Variants in NOC2L observed in about 807,000 individuals in gnomAD.
NOC2L encodes NOC2 like nucleolar associated transcriptional repressor, also known as nucleolar complex protein 2 homolog.
In NOC2L, 101 loss-of-function variants were observed where a neutral mutation model predicts 94.2. That is an observed-to-expected ratio of 1.07 (90% CI 0.91 to 1.26). The LOEUF (loss-of-function observed/expected upper bound fraction) is 1.26. NOC2L is among the 50% of genes most tolerant of loss of function. NOC2L has a pLI of 0.00. For synonymous variants in NOC2L, 531 were observed against 413.4 expected (o/e 1.28, Z -3.45); for missense variants, 1,076 against 980.1 (o/e 1.10, Z -1.31).
At position 946,168 on chromosome 1, in the gene NOC2L, C is replaced by T. The variant is rs529672664; in HGVS notation, c.1917+5G>A. The T allele has an allele frequency of 3.1e-6, 5 of 1,601,634 alleles. No homozygotes were observed. Among genetic ancestry groups the T allele is most frequent in the African/African-American group, 1.3e-5 (1 of 74,802 alleles). On this transcript the variant is annotated splice_donor_5th_base_variant and intron_variant, in intron 16 of 18. Coordinates refer to ENST00000327044, the MANE Select transcript of NOC2L (RefSeq NM_015658.4). ...ACACCCCCAGGTCCCCTCGCCGAGC[C>T]GCACCCGCTCTTTGCCACTGATCTC...
Position 958,751 on chromosome 1 carries a change from T to G in NOC2L, c.179+178A>C, listed in dbSNP as rs1230706971. 6 of 733,582 alleles carry G rather than the reference T, an allele frequency of 8.2e-6. No homozygotes were observed. The South Asian group carries it at 8.8e-5, about 11-fold the overall frequency. The allele number at this position is 733,582 out of a possible 1,614,324, so 45.4% of individuals were successfully genotyped here. ...TACGCTCCCTGCCTAGGACAGAGTT[T>G]GGCACGGAACAGGAGCTCAGTAAAC... On this transcript the variant is annotated intron_variant, in intron 2 of 18. Coordinates refer to ENST00000327044, the MANE Select transcript of NOC2L (RefSeq NM_015658.4).
intron 6 of NOC2L, chr1:954,290 C>T (rs1261454073): frequency 5.5e-6 from 3 of 544,074 alleles, no homozygotes; most frequent in Non-Finnish European, 6.5e-6. Flanking sequence ...GCTCCTCCTT[C>T]AGTGGCCTTG....
rs777578662 is a variant in NOC2L at position 957,168 on chromosome 1, T to C, written c.285A>G (p.Leu95=). The C allele has an allele frequency of 3.1e-6, 5 of 1,613,966 alleles. No homozygotes were observed. The African/African-American group carries it at 5.3e-5, about 17-fold the overall frequency. The change falls in exon 3 of 19, where the codon CTA becomes CTG. Residue 95 remains leucine, a synonymous_variant. Transcript: ENST00000327044. ...KFLQENDQSL[L]NFSDSDSSEE... ...CAGAGCTGTCCGAGTCGCTGAAGTT[T>C]AGCAGGCTCTGGTCATTCTCCTGCA...
intron 6 of NOC2L, among the ~76,000 whole-genome samples, chr1:955,498 C>T (rs1281231804): frequency 6.6e-6 from 1 of 152,228 alleles, no homozygotes; most frequent in East Asian, 1.9e-4. Context: ...AGTTGAGGCC[C>T]TCAGGTTCTC....
intron 11 of NOC2L, among the ~76,000 whole-genome samples, chr1:951,450 G>A (rs939794896): frequency 6.6e-6 from 1 of 151,340 alleles, no homozygotes; most frequent in Non-Finnish European, 1.5e-5. Flanking sequence ...CACGGTGGCA[G>A]GGGTCATCTG....
rs149544813 is a variant in NOC2L, at chr1:949,815, C to G, written c.1444-1212G>C. Among the ~76,000 whole-genome samples the G allele has an allele frequency of 3.1e-3, 466 of 152,308 alleles. 5 individuals carry two copies. The highest frequency in any genetic ancestry group is 0.01 in the African/African-American group (433 of 41,562). ...TGGCTTCCTAAAGATGTTCAGCATC[C>G]CTGCCTCAGTGGAAGGGGAATCAGA... On this transcript the variant is annotated intron_variant, in intron 12 of 18. Coordinates refer to ENST00000327044, the MANE Select transcript of NOC2L (RefSeq NM_015658.4).
rs1442959030 is a variant in NOC2L at position 952,602 on chromosome 1, T to C, written c.1003-2A>G. 1.2e-6 allele frequency: 2 copies of C among 1,613,426 alleles called. No homozygotes were observed. Among genetic ancestry groups the C allele is most frequent in the Non-Finnish European group, 1.7e-6 (2 of 1,179,982 alleles). ...CCTCACATACGTGATGTACATTTGC[T>C]GCGGAGAGACCCGGGTCAGAGCCAC... On this transcript the variant is annotated splice_acceptor_variant, in intron 9 of 18. Coordinates refer to ENST00000327044, the MANE Select transcript of NOC2L (RefSeq NM_015658.4). LOFTEE classifies it high-confidence loss of function.
rs369595971 is a variant in NOC2L, at chr1:953,974, G to A, written c.777+30C>T. 27 of 1,602,542 alleles carry A rather than the reference G, an allele frequency of 1.7e-5. 1 individual carries two copies. In the South Asian group the frequency reaches 1.9e-4, roughly 11 times the overall value. On this transcript the variant is annotated intron_variant, in intron 7 of 18. Coordinates refer to ENST00000327044, the MANE Select transcript of NOC2L (RefSeq NM_015658.4). ...AGGACCGACCACCAGATACAGCCAG[G>A]CCCCCGTGCCCTCCCCACCAGAATA...
intron 10 of NOC2L, 129 bp downstream of exon 10, chr1:952,283 G>A (rs982370897): frequency 2.5e-5 from 35 of 1,399,182 alleles, no homozygotes; most frequent in Admixed American, 9.6e-5. Context: ...TGCAAGGACC[G>A]ACTGCACCAG....
rs762163637 is a variant in NOC2L, at chr1:946,453, G to A, written c.1752C>T (p.Ile584=). The part of the protein sequence containing the change: ...LGKVQENSAY[I]CSRRQRVSFG... Reference sequence around the variant, plus strand: ...AGGAAACCCTCTGGCGGCGGCTGCAGATGTATGCCGAGTTCTCCTGAACCT... The same window carrying A: ...AGGAAACCCTCTGGCGGCGGCTGCAAATGTATGCCGAGTTCTCCTGAACCT... The change falls in exon 15 of 19, where the codon ATC becomes ATT. Residue 584 remains isoleucine, a synonymous_variant. Coordinates refer to ENST00000327044, the MANE Select transcript of NOC2L (RefSeq NM_015658.4). 5.0e-6 allele frequency: 8 copies of A among 1,613,194 alleles called. No individual in the cohort carries two copies. Among genetic ancestry groups the A allele is most frequent in the Non-Finnish European group, 6.8e-6 (8 of 1,179,982 alleles).
In NOC2L at chr1:957,006, T is replaced by A; in HGVS notation, c.374A>T (p.Asp125Val). ...CCCATCTTCTCCTTCCTCCGCTCCA[T>A]CCTCCTCCTCACTGGCTTCCTGCAC... ...DVLEEASEEE[D>V]GAEEGEDGDR... Residue 125 changes from aspartate to valine, a missense_variant, in exon 4 of 19, where the codon GAT (aspartate) becomes GTT (valine). Around this residue, in one of 3 missense-constraint regions of NOC2L, gnomAD observed 457 missense variants for 386.0 expected, o/e 1.18. Transcript: ENST00000327044. 21 of 1,614,078 alleles carry A rather than the reference T, an allele frequency of 1.3e-5. No homozygotes were observed. The highest frequency in any genetic ancestry group is 1.8e-5 in the Non-Finnish European group (21 of 1,180,034).
In NOC2L at chr1:945,130, C is replaced by T; in HGVS notation, c.2070G>A (p.Leu690=). The change falls in exon 18 of 19, where the codon CTG becomes CTA. Residue 690 remains leucine (L), a synonymous_variant. Coordinates refer to ENST00000327044, the MANE Select transcript of NOC2L (RefSeq NM_015658.4). The part of the protein sequence containing the change: ...GFSERGILRP[L]STRHGVEDDE... ...CGTCTTCCACCCCATGCCGAGTGCT[C>T]AGGGGCCTCAGTATCCCTGAGGAAC... 4 of 1,609,586 alleles carry T rather than the reference C, an allele frequency of 2.5e-6. No individual in the cohort carries two copies. The highest frequency in any genetic ancestry group is 2.5e-6 in the Non-Finnish European group (3 of 1,177,852).
In NOC2L at chr1:946,132, G is replaced by T. The variant is rs41285796; in HGVS notation, c.1917+41C>A. On this transcript the variant is annotated intron_variant, in intron 16 of 18. Transcript: ENST00000327044. ...ATAGTGCGCTAGATCTGAAACCCAG[G>T]AAGTCACAACACACCCCCAGGTCCC... The T allele has an allele frequency of 3.5e-3, 4,977 of 1,411,040 alleles. 19 individuals are homozygous for T. Among genetic ancestry groups the T allele is most frequent in the Non-Finnish European group, 4.3e-3 (4,349 of 1,011,984 alleles). 87.4% of individuals were successfully genotyped at this position (1,411,040 alleles called of 1,614,324 possible). A position where few individuals can be genotyped will look rare whatever the true frequency, so the allele number is the denominator to read the frequency against.
At chr1:953,322 A>G (rs764766162) in intron 8 of NOC2L, 34 bp from the exon 9 acceptor site, 3 of 1,305,576 alleles carry the variant, frequency 2.3e-6, no homozygotes, top group African/African-American at 2.9e-5. Context: ...GTGGCCCCCC[A>G]GCCTCCTCAG....
At chr1:953,150 A>G in intron 9 of NOC2L, 25 bp downstream of exon 9, 3 of 1,524,900 alleles carry the variant, frequency 2.0e-6, no homozygotes, top group Non-Finnish European at 2.7e-6. Context: ...ATGCTGAGGG[A>G]CACAGACGCA....
chr1:951,345 A>C, intron 11 of NOC2L, 107 bp from the exon 12 acceptor site: 2 of 847,726 alleles, frequency 2.4e-6, no homozygotes, highest in Non-Finnish European at 3.9e-6. Context: ...CAGACCCCTA[A>C]AGCAGGACAA....
intron 2 of NOC2L, 128 bp downstream of exon 2, chr1:958,801 T>A (rs1642493600): frequency 3.3e-6 from 3 of 921,630 alleles, no homozygotes; most frequent in Non-Finnish European, 5.3e-6. Context: ...TAAGTTAAGC[T>A]GAAAGGACTG....
At position 952,505 on chromosome 1, in the gene NOC2L, C is replaced by T; in HGVS notation, c.1098G>A (p.Leu366=). The T allele has an allele frequency of 6.2e-7, 1 of 1,613,884 alleles. No individual in the cohort carries two copies. Among genetic ancestry groups the T allele is most frequent in the Non-Finnish European group, 8.5e-7 (1 of 1,180,010 alleles). ...SFMQWTLTEL[L]ALEPGVAYQH... is the part of the protein sequence containing the mutation. ...GGTAGGCCACACCCGGCTCCAGGGC[C>T]AGCAGCTCCGTCAAGGTCCACTGCA... Residue 366 remains leucine (L), a synonymous_variant, in exon 10 of 19, where the codon CTG becomes CTA. Coordinates refer to ENST00000327044, the MANE Select transcript of NOC2L (RefSeq NM_015658.4).
chr1:951,702 T>G (rs1209244010), intron 11 of NOC2L, among the ~76,000 whole-genome samples: 1 of 152,214 alleles, frequency 6.6e-6, no homozygotes, highest in Non-Finnish European at 1.5e-5. Context: ...GAACCCCACG[T>G]AATGAACCAA....
Sources: gnomAD v4.1 joint callset for allele counts (sites outside exome capture counted in the v4.1 genomes callset) on GRCh38, gnomAD v4.1.1 for gene constraint, gnomAD v4.1.1 regional missense constraint, MANE v1.5 for transcripts, NCBI Gene and HGNC (gene_info 2026-07-23, HGNC 2026-07-21) for gene names.